COL25A1: variants seen among roughly 807,000 people sequenced by gnomAD.
COL25A1 encodes collagen type XXV alpha 1 chain.
COL25A1 carries 103 observed loss-of-function variants against 128.4 expected under a neutral mutation model. The ratio of observed to expected loss-of-function variants is 0.80; its 90% CI spans 0.68 to 0.94. The LOEUF (loss-of-function observed/expected upper bound fraction) is 0.94, where lower values mean the gene tolerates loss of function less well. COL25A1 is among the 40% of genes least tolerant of loss of function. COL25A1 has a pLI of 0.00. For synonymous variants in COL25A1, 279 were observed against 277.2 expected, an observed-to-expected ratio of 1.01 and a Z score of -0.06; for missense variants, 745 against 840.0, an observed-to-expected ratio of 0.89 and a Z score of 1.40.
intron 16 of COL25A1, among the ~76,000 whole-genome samples, chr4:108,894,255 CAATT>C (rs1340394156): frequency 6.6e-6 from 1 of 152,040 alleles, no homozygotes; most frequent in Non-Finnish European, 1.5e-5. Flanking sequence ...ATTGAAGAAA[CAATT>C]ATTGGCCTAC....
Position 108,876,221 on chromosome 4 carries a change from G to T in COL25A1, c.1021-7071C>A, listed in dbSNP as rs547617451. Among the ~76,000 whole-genome samples the T allele has an allele frequency of 2.6e-5, 4 of 151,022 alleles. No homozygotes were observed. In the South Asian group the frequency reaches 8.4e-4, roughly 32 times the overall value. On this transcript the variant is annotated intron_variant, in intron 19 of 37. Transcript: ENST00000399132. The stretch of plus-strand genomic sequence containing the variant: ...AACTTAAAGTATAAAAAAAAAAAAA[G>T]TTAGTGCCTAACTAAGGTGAGAGAG...
At chr4:108,993,042 C>T (rs1311585698) in intron 6 of COL25A1, among the ~76,000 whole-genome samples, 1 of 152,116 alleles carries the variant, frequency 6.6e-6, no homozygotes, top group African/African-American at 2.4e-5. Flanking sequence ...GTGGTGAGAA[C>T]ACTTAACATC....
At chr4:109,130,034 G>A (rs555748724) in intron 3 of COL25A1, among the ~76,000 whole-genome samples, 5 of 150,868 alleles carry the variant, frequency 3.3e-5, no homozygotes, top group African/African-American at 1.2e-4. Flanking sequence ...AAAGAATTGT[G>A]GATTTTTGAG....
intron 34 of COL25A1, 65 bp downstream of exon 34, chr4:108,825,131 T>C: frequency 7.7e-7 from 1 of 1,290,412 alleles, no homozygotes; most frequent in Non-Finnish European, 1.1e-6. Flanking sequence ...TTCTTTTTGT[T>C]ATCGATGATG....
intron 31 of COL25A1, among the ~76,000 whole-genome samples, chr4:108,837,432 A>C (rs570193527): frequency 6.6e-5 from 10 of 152,204 alleles, no homozygotes; most frequent in Non-Finnish European, 1.2e-4. Context: ...ATCTCCATTT[A>C]GTTGTTGTGG....
chr4:109,104,738 G>C (rs1447462769), intron 3 of COL25A1, among the ~76,000 whole-genome samples: 1 of 152,122 alleles, frequency 6.6e-6, no homozygotes, highest in East Asian at 1.9e-4. Flanking sequence ...AAGAGAGAGA[G>C]AGGCAACCTA....
chr4:108,842,376 A>G (rs1368776618), intron 30 of COL25A1, among the ~76,000 whole-genome samples: 1 of 152,232 alleles, frequency 6.6e-6, no homozygotes, highest in Non-Finnish European at 1.5e-5. Context: ...GAAAGTCATA[A>G]TGCATGCATG....
At chr4:109,197,418 ATAT>A (rs1776160477) in intron 3 of COL25A1, among the ~76,000 whole-genome samples, 2 of 126,810 alleles carry the variant, frequency 1.6e-5, no homozygotes, top group African/African-American at 5.9e-5. Context: ...TATATATTAT[ATAT>A]TATATATAAA....
intron 3 of COL25A1, among the ~76,000 whole-genome samples, chr4:109,245,163 T>C (rs1380297713): frequency 2.6e-5 from 4 of 152,116 alleles, no homozygotes; most frequent in Admixed American, 6.6e-5. Flanking sequence ...CTATTGATAA[T>C]TATACCAGAA....
chr4:108,975,061 CT>C (rs1231903876), intron 6 of COL25A1, among the ~76,000 whole-genome samples: 5 of 152,164 alleles, frequency 3.3e-5, no homozygotes, highest in Non-Finnish European at 7.3e-5. Flanking sequence ...GTTCTTACTG[CT>C]TTATAATACT....
At chr4:108,848,644 TA>T in intron 27 of COL25A1, 114 bp downstream of exon 27, 1 of 733,236 alleles carries the variant, frequency 1.4e-6, no homozygotes, top group East Asian at 2.6e-5. Context: ...AACAAATGGT[TA>T]AAAGAAAGAG....
intron 3 of COL25A1, among the ~76,000 whole-genome samples, chr4:109,283,734 C>T (rs532171919): frequency 3.9e-5 from 6 of 152,284 alleles, no homozygotes; most frequent in Non-Finnish European, 7.4e-5. Context: ...TTTATACTAA[C>T]GTTTCTTCCC....
chr4:108,841,208 T>C (rs543707432), intron 31 of COL25A1, among the ~76,000 whole-genome samples: 2 of 152,288 alleles, frequency 1.3e-5, no homozygotes, highest in Admixed American at 6.5e-5. Context: ...CTTCCCAGTA[T>C]AGCACACCTG....
At chr4:108,819,053 T>G (rs1216353256) in intron 36 of COL25A1, among the ~76,000 whole-genome samples, 199 bp downstream of exon 36, 1 of 152,182 alleles carries the variant, frequency 6.6e-6, no homozygotes, top group African/African-American at 2.4e-5. Flanking sequence ...CATCAGGAGA[T>G]TAATTTGCAT....
intron 9 of COL25A1, 126 bp from the exon 10 acceptor site, chr4:108,940,772 C>G: frequency 1.6e-6 from 1 of 633,964 alleles, no homozygotes; most frequent in South Asian, 2.2e-5. Flanking sequence ...AGAACAACCA[C>G]AAATATAAAG....
chr4:109,141,103 G>T (rs183592983), intron 3 of COL25A1, among the ~76,000 whole-genome samples: 2 of 152,002 alleles, frequency 1.3e-5, no homozygotes, highest in Non-Finnish European at 2.9e-5. Flanking sequence ...TTTGAGATAT[G>T]TTCCATCAAT....
At chr4:108,966,745 G>A (rs1271350417) in intron 8 of COL25A1, among the ~76,000 whole-genome samples, 4 of 151,896 alleles carry the variant, frequency 2.6e-5, no homozygotes, top group Non-Finnish European at 5.9e-5. Context: ...CAGCTATTCG[G>A]GGGACTGAGG....
intron 3 of COL25A1, among the ~76,000 whole-genome samples, chr4:109,277,580 C>T (rs1578619267): frequency 6.6e-6 from 1 of 152,146 alleles, no homozygotes; most frequent in East Asian, 1.9e-4. Context: ...CCCCAGACAA[C>T]CTGTATTTTC....
At chr4:108,990,276 CAA>C (rs1754100479) in intron 6 of COL25A1, among the ~76,000 whole-genome samples, 1 of 81,436 alleles carries the variant, frequency 1.2e-5, no homozygotes, top group Non-Finnish European at 2.4e-5. Flanking sequence ...ATATATATCT[CAA>C]AAGAATCGAT....
Sources: allele counts gnomAD v4.1 joint callset (sites outside exome capture counted in the v4.1 genomes callset), GRCh38; gene constraint gnomAD v4.1.1; transcripts MANE v1.5; gene names NCBI Gene and HGNC (gene_info 2026-07-23, HGNC 2026-07-21).